NR2C2: variants seen among roughly 807,000 people sequenced by gnomAD.
NR2C2 encodes nuclear receptor subfamily 2 group C member 2.
NR2C2 carries 6 observed loss-of-function variants against 62.9 expected under a neutral mutation model. The ratio of observed to expected loss-of-function variants is 0.10; its 90% CI spans 0.05 to 0.19. The LOEUF is 0.19. Ranked by LOEUF, NR2C2 falls within the 10% of genes least tolerant of loss-of-function variation. The pLI is 1.00. For missense variants in NR2C2, 479 were observed against 762.7 expected, an observed-to-expected ratio of 0.63 and a Z score of 4.38; for synonymous variants, 272 against 273.8, an observed-to-expected ratio of 0.99 and a Z score of 0.07.
intron 8 of NR2C2, 102 bp downstream of exon 8, chr3:15,028,821 A>G (rs1176960687): frequency 1.6e-6 from 2 of 1,271,990 alleles, no homozygotes; most frequent in Non-Finnish European, 2.2e-6. Context: ...GTATTTAACT[A>G]AGGATGATAA....
rs2042475996 is a variant in NR2C2, at chr3:15,046,971, C to G, written c.*3963C>G. ...GACCTTCTCATTGTGTGCCTCCCACCAGCGTGCACTTCGTATGTCCAGCCC... is the reference window on the plus strand; with the variant it reads ...GACCTTCTCATTGTGTGCCTCCCACGAGCGTGCACTTCGTATGTCCAGCCC... On this transcript the variant is annotated 3_prime_UTR_variant, in exon 14 of 14. Transcript: ENST00000425241. 1 of 152,678 alleles carries G rather than the reference C, an allele frequency of 6.5e-6. No homozygotes were observed. The highest frequency in any genetic ancestry group is 1.5e-5 in the Non-Finnish European group (1 of 68,042). 9.5% of individuals were successfully genotyped at this position (152,678 alleles called of 1,614,324 possible).
Position 15,039,321 on chromosome 3 carries a change from T to TGG in NR2C2, c.1616+94_1616+95insGG, listed in dbSNP as rs1217696984. 3 of 815,594 alleles carry TGG rather than the reference T, an allele frequency of 3.7e-6. No homozygotes were observed. In the African/African-American group the frequency reaches 5.2e-5, roughly 14 times the overall value. 50.5% of individuals were successfully genotyped at this position (815,594 alleles called of 1,614,324 possible). On this transcript the variant is annotated intron_variant, in intron 13 of 13. Coordinates refer to ENST00000425241, the MANE Select transcript of NR2C2 (RefSeq NM_001291694.2). ...ATATAAATTATGTTAACCTTTCCATTTTTAGCAGCCTGATAGAGCCTCCAT... is the reference window on the plus strand; with the variant it reads ...ATATAAATTATGTTAACCTTTCCATTGGTTTAGCAGCCTGATAGAGCCTCCAT...
intron 3 of NR2C2, 84 bp downstream of exon 3, chr3:15,013,873 C>T (rs1312369807): frequency 5.7e-6 from 8 of 1,406,352 alleles, no homozygotes; most frequent in Non-Finnish European, 8.0e-6. Flanking sequence ...CCTTCGAGGC[C>T]AAATCCATCC....
chr3:15,031,827 C>T (rs1219212076), intron 9 of NR2C2, among the ~76,000 whole-genome samples: 1 of 151,984 alleles, frequency 6.6e-6, no homozygotes, highest in Non-Finnish European at 1.5e-5. Context: ...CTCCTGGGTT[C>T]AAGCAATTCT....
intron 2 of NR2C2, among the ~76,000 whole-genome samples, chr3:15,007,410 A>G (rs2041214973): frequency 6.6e-6 from 1 of 152,010 alleles, no homozygotes; most frequent in African/African-American, 2.4e-5. Flanking sequence ...TACAGGCATG[A>G]GCCACCGTGC....
intron 1 of NR2C2, among the ~76,000 whole-genome samples, chr3:14,965,545 AAGC>A (rs1442891948): frequency 2.1e-5 from 3 of 142,766 alleles, no homozygotes; most frequent in African/African-American, 5.2e-5. Flanking sequence ...AAAAAAAAAA[AAGC>A]ATTTTTAGAG....
At chr3:15,015,949 C>G (rs541771045) in intron 3 of NR2C2, among the ~76,000 whole-genome samples, 1 of 152,062 alleles carries the variant, frequency 6.6e-6, no homozygotes. Context: ...ATTACAGGCA[C>G]CCACCACCAC....
chr3:14,964,271 A>G (rs1186118781), intron 1 of NR2C2, among the ~76,000 whole-genome samples: 1 of 152,242 alleles, frequency 6.6e-6, no homozygotes, highest in Non-Finnish European at 1.5e-5. Context: ...TTTTAAGATT[A>G]AAGACTAATA....
Position 15,030,335 on chromosome 3 carries a change from G to T in NR2C2, c.993G>T (p.Leu331Phe), listed in dbSNP as rs768026664. The T allele has an allele frequency of 7.4e-6, 12 of 1,613,234 alleles. No individual in the cohort carries two copies. The Admixed American group carries it at 1.7e-4, about 22-fold the overall frequency. Reference sequence around the variant, plus strand: ...CAGACAGCTCCTCTTCTCCAAGCTTGGCAGATGGGATAGACACCAGTGGAG... The same window carrying T: ...CAGACAGCTCCTCTTCTCCAAGCTTTGCAGATGGGATAGACACCAGTGGAG... ...NTTDSSSSPS[L>F]ADGIDTSGGG... Residue 331 changes from leucine to phenylalanine, a missense_variant, in exon 9 of 14, where the codon TTG becomes TTT. Leu to Phe is a conservative substitution (Grantham distance 22). This residue lies in a region of NR2C2 where 151 missense variants were observed against 176.1 expected (regional missense o/e 0.86). Coordinates refer to ENST00000425241, the MANE Select transcript of NR2C2 (RefSeq NM_001291694.2).
At chr3:15,029,886 G>A (rs2041930586) in intron 8 of NR2C2, among the ~76,000 whole-genome samples, 1 of 150,376 alleles carries the variant, frequency 6.6e-6, no homozygotes, top group South Asian at 2.1e-4. Context: ...AAAAGAGAAA[G>A]AGACAAAGAG....
At chr3:14,948,885 C>G (rs938747725) in intron 1 of NR2C2, among the ~76,000 whole-genome samples, 1 of 152,128 alleles carries the variant, frequency 6.6e-6, no homozygotes, top group African/African-American at 2.4e-5. Flanking sequence ...CATGCGCATT[C>G]TTGCCAGGCC....
rs555890366 is a variant in NR2C2, at chr3:15,048,926, G to T, written c.*5918G>T. 2.6e-5 allele frequency: 4 copies of T among 152,540 alleles called. No homozygotes were observed. The highest frequency in any genetic ancestry group is 2.6e-4 in the Admixed American group (4 of 15,276). 9.4% of individuals were successfully genotyped at this position (152,540 alleles called of 1,614,324 possible). A position where few individuals can be genotyped will look rare whatever the true frequency, so the allele number is the denominator to read the frequency against. ...TCTTGGGACCGTTTCTGTAACCTTT[G>T]CCCTTCACAATATAGAAAATATTGG... On this transcript the variant is annotated 3_prime_UTR_variant, in exon 14 of 14. Coordinates refer to ENST00000425241, the MANE Select transcript of NR2C2 (RefSeq NM_001291694.2).
intron 1 of NR2C2, among the ~76,000 whole-genome samples, chr3:14,956,045 G>T (rs1309671144): frequency 6.6e-6 from 1 of 152,178 alleles, no homozygotes; most frequent in Non-Finnish European, 1.5e-5. Flanking sequence ...GGTCACAATG[G>T]AAAGGAAATT....
chr3:14,959,165 A>G (rs922160261), intron 1 of NR2C2: 1 of 152,174 alleles, frequency 6.6e-6, no homozygotes, highest in South Asian at 2.1e-4. Flanking sequence ...AGGACCGCCT[A>G]TGGCTGCGGT....
Position 15,044,049 on chromosome 3 carries a change from C to T in NR2C2, c.*1041C>T, listed in dbSNP as rs1325083327. The T allele has an allele frequency of 6.6e-6, 1 of 152,092 alleles. No individual in the cohort carries two copies. The highest frequency in any genetic ancestry group is 2.4e-5 in the African/African-American group (1 of 41,398). The allele number at this position is 152,092 out of a possible 1,614,324, so 9.4% of individuals were successfully genotyped here. Reference sequence around the variant, plus strand: ...TGTGGCCTTGGAGTGTGAGCGTTACCTTCCCAGGGCTTTCCACTCCAAATG... The same window carrying T: ...TGTGGCCTTGGAGTGTGAGCGTTACTTTCCCAGGGCTTTCCACTCCAAATG... On this transcript the variant is annotated 3_prime_UTR_variant, in exon 14 of 14. Transcript: ENST00000425241.
At chr3:15,034,541 G>A (rs2042057179) in intron 10 of NR2C2, 129 bp from the exon 11 acceptor site, 3 of 840,858 alleles carry the variant, frequency 3.6e-6, no homozygotes, top group South Asian at 1.8e-5. Flanking sequence ...AATGATCCTG[G>A]ATAGCACTTC....
At chr3:15,032,574 C>A in intron 10 of NR2C2, 74 bp downstream of exon 10, 2 of 1,572,508 alleles carry the variant, frequency 1.3e-6, no homozygotes, top group Admixed American at 1.7e-5. Context: ...TGGAAGAACT[C>A]TGAGGGCCTG....
chr3:14,949,928 T>TC (rs1184021242), intron 1 of NR2C2, among the ~76,000 whole-genome samples: 1 of 152,194 alleles, frequency 6.6e-6, no homozygotes, highest in African/African-American at 2.4e-5. Context: ...GGTTAGCAAC[T>TC]CCCCAACTTT....
At chr3:15,014,589 C>A (rs2041451625) in intron 3 of NR2C2, among the ~76,000 whole-genome samples, 1 of 152,004 alleles carries the variant, frequency 6.6e-6, no homozygotes, top group Non-Finnish European at 1.5e-5. Context: ...CTATCTAGCT[C>A]TGTGTAACTC....
Sources: allele counts gnomAD v4.1 joint callset (sites outside exome capture counted in the v4.1 genomes callset), GRCh38; gene constraint gnomAD v4.1.1; regional missense constraint gnomAD v4.1.1; transcripts MANE v1.5; gene names NCBI Gene and HGNC (gene_info 2026-07-23, HGNC 2026-07-21).